Variants in ACOT9 observed in about 807,000 individuals in gnomAD.
The protein encoded by ACOT9 is acyl-coenzyme A thioesterase 9, mitochondrial.
A neutral mutation model predicts 39.7 loss-of-function variants in ACOT9; 34 were observed. That is an observed-to-expected ratio of 0.86 (90% CI 0.65 to 1.14). The LOEUF is 1.14. ACOT9 is among the 50% of genes most tolerant of loss of function. The pLI, the probability that ACOT9 is intolerant of heterozygous loss-of-function variation, is 0.00. For synonymous variants in ACOT9, 110 were observed against 120.5 expected (o/e 0.91, Z 0.57); for missense variants, 313 against 344.1 (o/e 0.91, Z 0.71).
chrX:23,733,329 G>C, intron 3 of ACOT9, 112 bp from the exon 4 acceptor site: 1 of 654,349 alleles, frequency 1.5e-6, no homozygotes, highest in Admixed American at 2.9e-5. Context: ...AAGATTTAAA[G>C]ATCCATAGAT....
At chrX:23,722,230 C>A (rs1446557563) in intron 7 of ACOT9, among the ~76,000 whole-genome samples, 4 of 111,796 alleles carry the variant, frequency 3.6e-5, no homozygotes, top group African/African-American at 1.3e-4. Flanking sequence ...TCTTGGTATA[C>A]AGCATTCTAG....
intron 7 of ACOT9, 120 bp from the exon 8 acceptor site, chrX:23,722,104 A>C: frequency 2.3e-6 from 1 of 428,845 alleles, no homozygotes; most frequent in Admixed American, 5.0e-5. Context: ...CAAAACTAAA[A>C]TAACTTTTTT....
rs1022522313 is a variant in ACOT9 at position 23,737,559 on chromosome X, A to C, written c.21-1543T>G. Among the ~76,000 whole-genome samples the C allele has an allele frequency of 2.7e-5, 3 of 112,311 alleles. No homozygotes were observed. In the Admixed American group the frequency reaches 2.8e-4, roughly 11 times the overall value. ...ACAGTATTCTGTAAAATCTACATGCAGTTTTGACACTGTGCTGTTAGAACA... is the reference window on the plus strand; with the variant it reads ...ACAGTATTCTGTAAAATCTACATGCCGTTTTGACACTGTGCTGTTAGAACA... On this transcript the variant is annotated intron_variant, in intron 1 of 15. Coordinates refer to ENST00000379303, the MANE Select transcript of ACOT9 (RefSeq NM_001037171.2).
intron 4 of ACOT9, among the ~76,000 whole-genome samples, chrX:23,732,129 C>G (rs750008790): frequency 7.5e-4 from 84 of 111,933 alleles, no homozygotes; most frequent in Non-Finnish European, 1.2e-3. Context: ...GTCCATTACT[C>G]TAGATTAGGG....
At chrX:23,729,815 T>C (rs1337698372) in intron 6 of ACOT9, among the ~76,000 whole-genome samples, 1 of 109,954 alleles carries the variant, frequency 9.1e-6, no homozygotes, top group Non-Finnish European at 1.9e-5. Context: ...GTATTTTTAG[T>C]AGAGATGGGG....
intron 8 of ACOT9, among the ~76,000 whole-genome samples, chrX:23,720,001 A>ATT (rs1361130322): frequency 9.8e-6 from 1 of 101,724 alleles, no homozygotes; most frequent in East Asian, 2.9e-4. Context: ...CGCCCGGCTA[A>ATT]TTTTTTTATT....
intron 8 of ACOT9, among the ~76,000 whole-genome samples, chrX:23,713,848 A>G (rs901725377): frequency 1.8e-5 from 2 of 110,951 alleles, no homozygotes; most frequent in Non-Finnish European, 3.8e-5. Context: ...CCTAGGCAAC[A>G]TAGCGAGACC....
In ACOT9 at chrX:23,730,864, C is replaced by G. The variant is rs1334167234; in HGVS notation, c.314G>C (p.Ser105Thr). Residue 105 changes from serine (S) to threonine (T), a missense_variant, in exon 5 of 16, where the codon AGT (serine) becomes ACT (threonine). Physicochemically the swap from Ser to Thr is moderately conservative, Grantham distance 58. Transcript: ENST00000379303. The stretch of plus-strand genomic sequence containing the variant: ...ATATTTCTCTCGTAATTCAGGCTCA[C>G]TGCCCAAAGGCAAGAGAACTTCAAT... ...SYIEVLLPLG[S>T]EPELREKYLT... The G allele has an allele frequency of 1.7e-6, 2 of 1,210,950 alleles. No homozygotes were observed. Among genetic ancestry groups the G allele is most frequent in the South Asian group, 1.8e-5 (1 of 56,737 alleles).
intron 10 of ACOT9, 127 bp downstream of exon 10, chrX:23,707,742 AAAACAAAC>A (rs1472777823): frequency 1.9e-5 from 9 of 461,704 alleles, no homozygotes; most frequent in South Asian, 1.1e-4. Context: ...CATTTCAAAA[AAAACAAAC>A]AAAAAAACAA....
intron 6 of ACOT9, among the ~76,000 whole-genome samples, chrX:23,724,947 A>G (rs746663822): frequency 9.0e-6 from 1 of 111,235 alleles, no homozygotes; most frequent in South Asian, 3.8e-4. Context: ...AAAAAGAAAA[A>G]TAAATCTAGT....
Position 23,743,165 on chromosome X carries a change from G to C in ACOT9, c.-21C>G. 8.7e-7 allele frequency: 1 copy of C among 1,152,896 alleles called. No homozygotes were observed. The highest frequency in any genetic ancestry group is 1.2e-6 in the Non-Finnish European group (1 of 864,992). ...CTCATTGCGCTAGGCTGCCGTGCGC[G>C]CGATGGAGAACCGGGCCCCGCGCGC... On this transcript the variant is annotated 5_prime_UTR_variant, in exon 1 of 16. Coordinates refer to ENST00000379303, the MANE Select transcript of ACOT9 (RefSeq NM_001037171.2).
intron 9 of ACOT9, among the ~76,000 whole-genome samples, chrX:23,708,538 G>GAAAAAAAAA (rs567506307): frequency 2.8e-5 from 2 of 70,834 alleles, no homozygotes; most frequent in Non-Finnish European, 5.1e-5. Flanking sequence ...CTCAAAAAAA[G>GAAAAAAAAA]AAAAAAAAAA....
intron 15 of ACOT9, among the ~76,000 whole-genome samples, chrX:23,704,365 A>C (rs1488392086): frequency 1.1e-5 from 1 of 95,196 alleles, no homozygotes; most frequent in African/African-American, 4.0e-5. Context: ...TTTTTCTAGT[A>C]GAGACGGGGT....
Position 23,703,611 on chromosome X carries a change from C to T in ACOT9, c.*283G>A, listed in dbSNP as rs1028311157. 12 of 221,461 alleles carry T rather than the reference C, an allele frequency of 5.4e-5. No individual in the cohort carries two copies. The highest frequency in any genetic ancestry group is 9.0e-5 in the Non-Finnish European group (11 of 122,459). The allele number at this position is 221,461 out of a possible 1,213,427, so 18.3% of individuals were successfully genotyped here. ...GGGATTATAGGCATGAGCCACCACG[C>T]CCAGCCTCTCAATTTTTTTGTTTTT... On this transcript the variant is annotated 3_prime_UTR_variant, in exon 16 of 16. Coordinates refer to ENST00000379303, the MANE Select transcript of ACOT9 (RefSeq NM_001037171.2).
At chrX:23,741,544 G>A (rs1197930192) in intron 1 of ACOT9, among the ~76,000 whole-genome samples, 1 of 111,193 alleles carries the variant, frequency 9.0e-6, no homozygotes, top group Non-Finnish European at 1.9e-5. Context: ...AAACAAAGGT[G>A]CCTCTTGCAA....
intron 9 of ACOT9, among the ~76,000 whole-genome samples, chrX:23,712,546 T>C (rs1167159976): frequency 9.0e-6 from 1 of 111,559 alleles, no homozygotes; most frequent in Non-Finnish European, 1.9e-5. Flanking sequence ...ATAATTCGCA[T>C]ACCACACAAT....
In ACOT9 at chrX:23,707,713, G is replaced by A. The variant is rs752031708; in HGVS notation, c.730+164C>T. Reference sequence around the variant, plus strand: ...GATGGCACCACTGCACTCCAGCCTGGCAAGAGACAGAGAGACTCCATTTCA... The same window carrying A: ...GATGGCACCACTGCACTCCAGCCTGACAAGAGACAGAGAGACTCCATTTCA... On this transcript the variant is annotated intron_variant, in intron 10 of 15. Transcript: ENST00000379303. The A allele has an allele frequency of 3.6e-4, 127 of 353,798 alleles. 2 individuals are homozygous for A. Among genetic ancestry groups the A allele is most frequent in the Non-Finnish European group, 5.8e-4 (120 of 207,460 alleles). 29.2% of individuals were successfully genotyped at this position (353,798 alleles called of 1,213,427 possible). A position where few individuals can be genotyped will look rare whatever the true frequency, so the allele number is the denominator to read the frequency against.
chrX:23,706,945 T>C (rs1393494980), intron 10 of ACOT9: 3 of 332,051 alleles, frequency 9.0e-6, no homozygotes, highest in South Asian at 1.6e-4. Flanking sequence ...GATATCATCC[T>C]GATCCAGAGC....
intron 4 of ACOT9, among the ~76,000 whole-genome samples, chrX:23,731,402 G>A (rs917229920): frequency 1.9e-5 from 2 of 107,380 alleles, no homozygotes; most frequent in Non-Finnish European, 3.9e-5. Flanking sequence ...GCTTGAACGT[G>A]GGAGGCGGAG....
Sources: allele counts gnomAD v4.1 joint callset (sites outside exome capture counted in the v4.1 genomes callset), GRCh38; gene constraint gnomAD v4.1.1; transcripts MANE v1.5; gene names NCBI Gene and HGNC (gene_info 2026-07-23, HGNC 2026-07-21).